DPEP2: variants seen among roughly 807,000 people sequenced by gnomAD.
DPEP2 encodes the protein dipeptidase 2.
In DPEP2, 45 loss-of-function variants were observed where a neutral mutation model predicts 51.8. That is an observed-to-expected ratio of 0.87 (90% confidence interval 0.68 to 1.11). The LOEUF (loss-of-function observed/expected upper bound fraction) is 1.11. Among genes scored for constraint, DPEP2 ranks in the 50% most tolerant of loss-of-function variants. DPEP2 has a pLI of 0.00. For missense variants in DPEP2, 604 were observed against 631.9 expected (o/e 0.96, Z 0.47); for synonymous variants, 255 against 262.7 (o/e 0.97, Z 0.28).
intron 1 of DPEP2, among the ~76,000 whole-genome samples, chr16:67,997,369 T>A (rs1304019953): frequency 6.6e-6 from 1 of 151,104 alleles, no homozygotes; most frequent in Admixed American, 6.6e-5. Context: ...TTTGTTTATT[T>A]ATTTTGAGAT....
upstream of DPEP2, among the ~76,000 whole-genome samples, chr16:67,999,977 T>A (rs1185539055): frequency 1.3e-5 from 2 of 152,124 alleles, no homozygotes; most frequent in Non-Finnish European, 2.9e-5. Flanking sequence ...ATTGCAGAAA[T>A]CTACCGAATT....
At chr16:67,998,562 G>T (rs6499153) in intron 1 of DPEP2, among the ~76,000 whole-genome samples, 1 of 152,176 alleles carries the variant, frequency 6.6e-6, no homozygotes. Context: ...GCTCCACAGC[G>T]CCCAGTCCCA....
intron 9 of DPEP2, among the ~76,000 whole-genome samples, chr16:67,988,954 CAAAG>C (rs1598257629): frequency 2.0e-5 from 3 of 151,862 alleles, no homozygotes; most frequent in South Asian, 2.1e-4. Flanking sequence ...GAGGAGGAGA[CAAAG>C]AAGAAGGAGG....
chr16:67,988,383 A>G (rs1237974240), intron 9 of DPEP2, among the ~76,000 whole-genome samples: 3 of 151,144 alleles, frequency 2.0e-5, no homozygotes, highest in African/African-American at 7.4e-5. Flanking sequence ...AATCTCTACT[A>G]AAAAGACAAA....
intron 1 of DPEP2, among the ~76,000 whole-genome samples, chr16:67,997,586 G>A (rs1268450189): frequency 6.6e-6 from 1 of 151,622 alleles, no homozygotes; most frequent in Non-Finnish European, 1.5e-5. Context: ...TTGATCTCCC[G>A]ACCTCGTGAT....
chr16:67,993,962 C>T (rs2032500431), intron 1 of DPEP2: 3 of 985,426 alleles, frequency 3.0e-6, no homozygotes, highest in Non-Finnish European at 3.6e-6. Flanking sequence ...CGCACATTCT[C>T]CAATCAGCCT....
chr16:67,992,106 A>G lies in DPEP2; in HGVS notation c.478T>C (p.Cys160Arg). ...AGCTCCAGCTCAGAATAGGAGGCAC[A>G]CATGCGGCGTATGAGGTCAATCTGC... is the stretch of plus-strand genomic sequence containing the variant. ...LEQIDLIRRM[C>R]ASYSELELVT... Residue 160 changes from cysteine to arginine, a missense_variant, in exon 4 of 11, where the codon TGT becomes CGT. By Grantham distance (180) the Cys-to-Arg change is radical. Coordinates refer to ENST00000393847, the MANE Select transcript of DPEP2 (RefSeq NM_022355.4). 1 of 1,614,200 alleles carries G rather than the reference A, an allele frequency of 6.2e-7. No individual in the cohort carries two copies. Among genetic ancestry groups the G allele is most frequent in the Non-Finnish European group, 8.5e-7 (1 of 1,180,044 alleles).
chr16:68,000,356 T>A, upstream of DPEP2: 1 of 797,078 alleles, frequency 1.3e-6, no homozygotes, highest in African/African-American at 1.9e-5. Context: ...ATTTCAAGAG[T>A]ATGCAGGGAA....
In DPEP2 at chr16:67,991,113, A is replaced by C; in HGVS notation, c.732+2T>G. ...GGGTGGAGTGTGAACCAGGGTCCTC[A>C]CCTCACCAAAGTCAGTCAGCCCGCT... On this transcript the variant is annotated splice_donor_variant, in intron 6 of 10. Coordinates refer to ENST00000393847, the MANE Select transcript of DPEP2 (RefSeq NM_022355.4). LOFTEE classifies it high-confidence loss of function. The surrounding 1 kb of genome is among the most constrained non-coding windows in gnomAD (Gnocchi z 5.1). 2 of 1,614,160 alleles carry C rather than the reference A, an allele frequency of 1.2e-6. No individual in the cohort carries two copies. Among genetic ancestry groups the C allele is most frequent in the Non-Finnish European group, 1.7e-6 (2 of 1,180,038 alleles).
At chr16:67,988,602 CAAAA>C (rs56905546) in intron 9 of DPEP2, among the ~76,000 whole-genome samples, 1 of 99,092 alleles carries the variant, frequency 1.0e-5, no homozygotes, top group Non-Finnish European at 2.2e-5. Flanking sequence ...GCCTCTGTCT[CAAAA>C]AAAAAAAAAA....
chr16:67,988,163 G>C, intron 9 of DPEP2, 176 bp from the exon 10 acceptor site: 1 of 686,878 alleles, frequency 1.5e-6, no homozygotes. Flanking sequence ...AAACCTCCTT[G>C]AATATTTATC....
In DPEP2 at chr16:67,990,992, C is replaced by T; in HGVS notation, c.738G>A (p.Val246=). ...ISGLTDFGEK[V]VAEMNRLGMM... ...TGCCCAGGCGGTTCATTTCTGCCAC[C>T]ACCTTCTGCAGGGACATGTTGGGAG... The change falls in exon 7 of 11, where the codon GTG becomes GTA. Residue 246 remains valine (V), a synonymous_variant. Transcript: ENST00000393847. The T allele has an allele frequency of 6.2e-7, 1 of 1,613,950 alleles. No homozygotes were observed. The highest frequency in any genetic ancestry group is 2.2e-5 in the East Asian group (1 of 44,886).
chr16:67,987,766 G>T lies in DPEP2; in HGVS notation c.1207-6C>A. 6.2e-7 allele frequency: 1 copy of T among 1,612,862 alleles called. No individual in the cohort carries two copies. The highest frequency in any genetic ancestry group is 8.5e-7 in the Non-Finnish European group (1 of 1,178,906). ...CATTTGTTTTCTTCCTGTACCTAGA[G>T]GTGGCAGTCGGTGCTCAGCTTCCAC... On this transcript the variant is annotated splice_region_variant and splice_polypyrimidine_tract_variant and intron_variant, in intron 10 of 10. Coordinates refer to ENST00000393847, the MANE Select transcript of DPEP2 (RefSeq NM_022355.4).
At chr16:67,992,907 G>T (rs768782855) in intron 2 of DPEP2, 43 bp downstream of exon 2, 1 of 1,574,490 alleles carries the variant, frequency 6.4e-7, no homozygotes, top group South Asian at 1.2e-5. Context: ...CCTTGCCCAG[G>T]AGTGTGCTCA....
At chr16:67,994,010 C>T in intron 1 of DPEP2, 3 of 985,516 alleles carry the variant, frequency 3.0e-6, no homozygotes, top group Non-Finnish European at 2.4e-6. Context: ...GCCACACCTC[C>T]CCAGGACCCC....
At position 67,991,956 on chromosome 16, in the gene DPEP2, C is replaced by T. The variant is rs1275643203; in HGVS notation, c.544G>A (p.Ala182Thr). 6.2e-7 allele frequency: 1 copy of T among 1,614,046 alleles called. No homozygotes were observed. The highest frequency in any genetic ancestry group is 1.7e-5 in the Admixed American group (1 of 59,998). ...AKALNDTQKL[A>T]CLIGVEGGHS... ...CCACCCTCTACACCGATGAGGCAGG[C>T]CAATTTCTGAGTGTCGTTCAGAGCT... Residue 182 changes from alanine to threonine, a missense_variant, in exon 5 of 11, where the codon GCC (alanine) becomes ACC (threonine). Ala to Thr is a moderately conservative substitution (Grantham distance 58). Transcript: ENST00000393847. The surrounding 1 kb of genome is among the most constrained non-coding windows in gnomAD (Gnocchi z 5.1).
intron 1 of DPEP2, chr16:67,993,778 G>T: frequency 1.0e-6 from 1 of 985,778 alleles, no homozygotes; most frequent in East Asian, 1.1e-4. Context: ...GGGTGGGTGT[G>T]GGGGAGAAGA....
chr16:67,991,276 C>T lies in DPEP2; in HGVS notation c.663-92G>A, dbSNP rs1211195516. Reference sequence around the variant, plus strand: ...ACCCACCCTCCATCCCTGCACCCCCCTGAAACAAAAACAGGGATCCAAAAT... The same window carrying T: ...ACCCACCCTCCATCCCTGCACCCCCTTGAAACAAAAACAGGGATCCAAAAT... On this transcript the variant is annotated intron_variant, in intron 5 of 10. Transcript: ENST00000393847. This position sits in a 1 kb window ranked among gnomAD's most constrained non-coding sequence, Gnocchi z 5.1. 3.7e-6 allele frequency: 5 copies of T among 1,343,604 alleles called. No homozygotes were observed. Among genetic ancestry groups the T allele is most frequent in the Non-Finnish European group, 5.2e-6 (5 of 967,594 alleles). The allele number at this position is 1,343,604 out of a possible 1,614,324, so 83.2% of individuals were successfully genotyped here.
At position 67,999,480 on chromosome 16, in the gene DPEP2, T is replaced by C. The variant is rs2032906814; in HGVS notation, c.-151A>G. The stretch of plus-strand genomic sequence containing the variant: ...ACACACTAAGACAAGATTTCACTAG[T>C]GTGTGCTGTTTCCCCTGCAAGGGGG... On this transcript the variant is annotated 5_prime_UTR_variant, in exon 1 of 11. Transcript: ENST00000393847. 2 of 988,204 alleles carry C rather than the reference T, an allele frequency of 2.0e-6. No individual in the cohort carries two copies. The highest frequency in any genetic ancestry group is 1.1e-4 in the East Asian group (1 of 8,930). 61.2% of individuals were successfully genotyped at this position (988,204 alleles called of 1,614,324 possible).
Sources: gnomAD v4.1 joint callset for allele counts (sites outside exome capture counted in the v4.1 genomes callset) on GRCh38, gnomAD v4.1.1 for gene constraint, Gnocchi (gnomAD v3.1) non-coding constraint, MANE v1.5 for transcripts, NCBI Gene and HGNC (gene_info 2026-07-23, HGNC 2026-07-21) for gene names.